The following GALM variants were observed in gnomAD, a reference collection of about 807,000 sequenced individuals.
GALM encodes aldose 1-epimerase.
Under a neutral mutation model 37.4 loss-of-function variants are expected in GALM, and 43 were observed. That is an observed-to-expected ratio of 1.15 (90% CI 0.90 to 1.48). The LOEUF is 1.48. Among genes scored for constraint, GALM ranks in the 40% most tolerant of loss-of-function variants. The pLI is 0.00. For synonymous variants in GALM, 199 were observed against 170.6 expected (o/e 1.17, Z -1.30); for missense variants, 456 against 419.1 (o/e 1.09, Z -0.77).
At chr2:38,727,554 C>T (rs1442781607) in intron 4 of GALM, among the ~76,000 whole-genome samples, 4 of 151,822 alleles carry the variant, frequency 2.6e-5, no homozygotes, top group African/African-American at 9.7e-5. Context: ...TGGTGAAACC[C>T]CGTCTCTACT....
chr2:38,676,819 C>G (rs1014854912), intron 2 of GALM, among the ~76,000 whole-genome samples: 1 of 152,134 alleles, frequency 6.6e-6, no homozygotes, highest in Non-Finnish European at 1.5e-5. Flanking sequence ...AGTGGGACAA[C>G]CAGGGCTGCC....
intron 4 of GALM, among the ~76,000 whole-genome samples, chr2:38,721,263 A>G (rs922381826): frequency 1.3e-5 from 2 of 152,216 alleles, no homozygotes; most frequent in African/African-American, 2.4e-5. Context: ...TGCAAATAGA[A>G]AGAGGAAGGT....
At position 38,729,672 on chromosome 2, in the gene GALM, T is replaced by A. The variant is rs1183398940; in HGVS notation, c.751T>A (p.Ser251Thr). 1 of 1,613,432 alleles carries A rather than the reference T, an allele frequency of 6.2e-7. No individual in the cohort carries two copies. The highest frequency in any genetic ancestry group is 8.5e-7 in the Non-Finnish European group (1 of 1,179,552). The part of the protein sequence containing the change: ...GFDHNFCLKG[S>T]KEKHFCARVH... ...TGACCACAATTTCTGTCTGAAGGGA[T>A]CTAAAGAAAAGCATTTTTGTGCAAG... The change falls in exon 5 of 7, where the codon TCT (serine) becomes ACT (threonine). Residue 251 changes from serine to threonine, a missense_variant. Physicochemically the swap from Ser to Thr is moderately conservative, Grantham distance 58. Transcript: ENST00000272252.
At position 38,675,894 on chromosome 2, in the gene GALM, C is replaced by T; in HGVS notation, c.191-18C>T. On this transcript the variant is annotated intron_variant, in intron 1 of 6. Coordinates refer to ENST00000272252, the MANE Select transcript of GALM (RefSeq NM_138801.3). ...TGAATTGAAGTTTTAAAAGTGCTGT[C>T]ATCCCTTGTCCTTGCAGGATACCTC... 1 of 1,613,488 alleles carries T rather than the reference C, an allele frequency of 6.2e-7. No homozygotes were observed. Among genetic ancestry groups the T allele is most frequent in the East Asian group, 2.2e-5 (1 of 44,850 alleles).
intron 2 of GALM, chr2:38,679,953 G>A: frequency 2.3e-6 from 1 of 430,406 alleles, no homozygotes; most frequent in South Asian, 1.7e-5. Context: ...ACAAAGTTGA[G>A]AACAGCCACT....
At chr2:38,685,131 TC>T (rs1375908385) in intron 3 of GALM, among the ~76,000 whole-genome samples, 1 of 152,188 alleles carries the variant, frequency 6.6e-6, no homozygotes. Flanking sequence ...CTAGAAGCCC[TC>T]CAGCCAACTT....
chr2:38,676,107 T>C, intron 2 of GALM, 41 bp downstream of exon 2: 1 of 1,601,184 alleles, frequency 6.2e-7, no homozygotes, highest in African/African-American at 1.3e-5. Context: ...TTAGGCTCAC[T>C]TTACGCATAC....
intron 1 of GALM, chr2:38,669,212 C>G (rs956353989): frequency 1.3e-5 from 2 of 152,258 alleles, no homozygotes; most frequent in Non-Finnish European, 2.9e-5. Context: ...CAGCCCGGCA[C>G]TACGCCATGG....
At chr2:38,704,066 T>C (rs1180089691) in intron 4 of GALM, among the ~76,000 whole-genome samples, 1 of 151,630 alleles carries the variant, frequency 6.6e-6, no homozygotes, top group Non-Finnish European at 1.5e-5. Flanking sequence ...TAAAATAAAA[T>C]AAATTCTATG....
intron 4 of GALM, among the ~76,000 whole-genome samples, chr2:38,709,294 G>T (rs1459542133): frequency 6.6e-6 from 1 of 152,206 alleles, no homozygotes; most frequent in Non-Finnish European, 1.5e-5. Context: ...GCTGCAGACA[G>T]ACAGTGGGTA....
chr2:38,727,510 C>T (rs1232121497), intron 4 of GALM, among the ~76,000 whole-genome samples: 3 of 151,642 alleles, frequency 2.0e-5, no homozygotes, highest in Non-Finnish European at 4.4e-5. Context: ...AGGTGGTTCA[C>T]GAGGTCAGGA....
At chr2:38,686,422 T>C (rs13421689) in intron 3 of GALM, among the ~76,000 whole-genome samples, 3,258 of 151,582 alleles carry the variant, frequency 0.021, 122 homozygotes, top group African/African-American at 0.073. Flanking sequence ...CCCACCACCA[T>C]GCCCAGCTAC....
chr2:38,668,480 C>G (rs1558574526), intron 1 of GALM: 1 of 152,176 alleles, frequency 6.6e-6, no homozygotes, highest in Non-Finnish European at 1.5e-5. Flanking sequence ...TGCATTAAAA[C>G]CTATGTTAAC....
At chr2:38,725,214 C>T (rs1281740799) in intron 4 of GALM, among the ~76,000 whole-genome samples, 1 of 152,082 alleles carries the variant, frequency 6.6e-6, no homozygotes, top group Admixed American at 6.6e-5. Flanking sequence ...CATGAGAATA[C>T]CTGCTTTTTT....
intron 4 of GALM, among the ~76,000 whole-genome samples, chr2:38,698,177 C>T (rs1364576335): frequency 6.6e-6 from 1 of 152,104 alleles, no homozygotes; most frequent in Non-Finnish European, 1.5e-5. Flanking sequence ...CTCCTGACCT[C>T]AAGTGATCTG....
chr2:38,733,389 A>G (rs780298816), intron 6 of GALM, 99 bp from the exon 7 acceptor site: 103 of 944,788 alleles, frequency 1.1e-4, no homozygotes, highest in Non-Finnish European at 2.6e-5. Flanking sequence ...GCAGCCATCC[A>G]CAGAGCACTG....
At chr2:38,731,107 A>C (rs1022492488) in intron 5 of GALM, among the ~76,000 whole-genome samples, 14 of 151,892 alleles carry the variant, frequency 9.2e-5, no homozygotes, top group Non-Finnish European at 1.9e-4. Flanking sequence ...GGTACCTGTA[A>C]TCCCAGCTAC....
intron 4 of GALM, among the ~76,000 whole-genome samples, chr2:38,695,832 GA>G (rs1234488555): frequency 6.6e-6 from 1 of 151,960 alleles, no homozygotes; most frequent in African/African-American, 2.4e-5. Flanking sequence ...GAGTAGCTGG[GA>G]CTACAGGCGC....
intron 4 of GALM, among the ~76,000 whole-genome samples, chr2:38,711,756 T>C (rs1182269081): frequency 1.4e-5 from 2 of 141,972 alleles, no homozygotes; most frequent in African/African-American, 2.6e-5. Flanking sequence ...TCACCATCAC[T>C]ATCACCACCA....
Sources: gnomAD v4.1 joint callset for allele counts (sites outside exome capture counted in the v4.1 genomes callset) on GRCh38, gnomAD v4.1.1 for gene constraint, MANE v1.5 for transcripts, NCBI Gene and HGNC (gene_info 2026-07-23, HGNC 2026-07-21) for gene names.